The following MFN1 variants were observed in gnomAD, a reference collection of about 807,000 sequenced individuals.
MFN1 encodes mitofusin 1.
In MFN1, 65 loss-of-function variants were observed where a neutral mutation model predicts 92.4. The ratio of observed to expected loss-of-function variants is 0.70; its 90% CI spans 0.58 to 0.86. The LOEUF is 0.86. MFN1 is among the 40% of genes least tolerant of loss of function. The pLI, the probability that MFN1 is intolerant of heterozygous loss-of-function variation, is 0.00. For missense variants in MFN1, 781 were observed against 868.0 expected (o/e 0.90, Z 1.26); for synonymous variants, 297 against 300.9 (o/e 0.99, Z 0.13).
rs200837854 is a variant in MFN1, at chr3:179,377,356, A to G, written c.1237A>G (p.Met413Val). The change falls in exon 12 of 18, where the codon ATG (methionine) becomes GTG (valine). Residue 413 changes from methionine to valine, a missense_variant. Met to Val is a conservative substitution (Grantham distance 21). Coordinates refer to ENST00000471841, the MANE Select transcript of MFN1 (RefSeq NM_033540.3). ...TTCATATTTTCAGGTTTCATGTGCAATGACAGATGAAATTTGTCGACTGTC... is the reference window on the plus strand; with the variant it reads ...TTCATATTTTCAGGTTTCATGTGCAGTGACAGATGAAATTTGTCGACTGTC... Reference protein sequence around the residue: ...EEVANKVSCAMTDEICRLSVL... With the variant: ...EEVANKVSCAVTDEICRLSVL... 18 of 1,608,020 alleles carry G rather than the reference A, an allele frequency of 1.1e-5. No individual in the cohort carries two copies. Among genetic ancestry groups the G allele is most frequent in the Admixed American group, 8.4e-5 (5 of 59,662 alleles).
At chr3:179,372,092 TTA>T (rs1171176489) in intron 9 of MFN1, among the ~76,000 whole-genome samples, 1 of 147,282 alleles carries the variant, frequency 6.8e-6, no homozygotes, top group Admixed American at 6.9e-5. Context: ...TATATAAATA[TTA>T]TATATAATGT....
chr3:179,367,742 G>A, intron 8 of MFN1, 150 bp downstream of exon 8: 1 of 575,208 alleles, frequency 1.7e-6, no homozygotes, highest in Non-Finnish European at 2.7e-6. Flanking sequence ...GGCCAACATG[G>A]TGAAACCCCA....
At chr3:179,376,928 T>C in intron 10 of MFN1, 114 bp from the exon 11 acceptor site, 2 of 964,920 alleles carry the variant, frequency 2.1e-6, no homozygotes, top group Non-Finnish European at 2.9e-6. Flanking sequence ...TTACAAGTTT[T>C]TTTTTTCCTT....
chr3:179,378,582 T>C lies in MFN1; in HGVS notation c.1433-3T>C. 1.2e-6 allele frequency: 2 copies of C among 1,602,632 alleles called. No homozygotes were observed. Among genetic ancestry groups the C allele is most frequent in the Non-Finnish European group, 1.7e-6 (2 of 1,172,764 alleles). ...TTAAGTGTTGTAATTTTGTTCTTTC[T>C]AGAAAATTTGAAGCCATTACTTCCA... is the stretch of plus-strand genomic sequence containing the variant. On this transcript the variant is annotated splice_region_variant and splice_polypyrimidine_tract_variant and intron_variant, in intron 13 of 17. Coordinates refer to ENST00000471841, the MANE Select transcript of MFN1 (RefSeq NM_033540.3).
At chr3:179,375,586 TA>T (rs1285652189) in intron 10 of MFN1, among the ~76,000 whole-genome samples, 1 of 152,234 alleles carries the variant, frequency 6.6e-6, no homozygotes, top group Non-Finnish European at 1.5e-5. Flanking sequence ...TTGTGATTTT[TA>T]AAATGTTTTG....
chr3:179,381,420 T>A (rs541428518), intron 14 of MFN1, among the ~76,000 whole-genome samples: 1 of 152,346 alleles, frequency 6.6e-6, no homozygotes, highest in South Asian at 2.1e-4. Flanking sequence ...CATAACATTG[T>A]AGGTAGAGAC....
chr3:179,392,194 C>G lies in MFN1; in HGVS notation c.*135C>G. Reference sequence around the variant, plus strand: ...TAAATAGCAAAGCCCTGTGTAGATTCTGGTAATGATCTGTCTCAGGGTATG... The same window carrying G: ...TAAATAGCAAAGCCCTGTGTAGATTGTGGTAATGATCTGTCTCAGGGTATG... On this transcript the variant is annotated 3_prime_UTR_variant, in exon 18 of 18. Coordinates refer to ENST00000471841, the MANE Select transcript of MFN1 (RefSeq NM_033540.3). The G allele has an allele frequency of 1.7e-6, 1 of 587,404 alleles. No individual in the cohort carries two copies. The highest frequency in any genetic ancestry group is 3.0e-6 in the Non-Finnish European group (1 of 329,608). The allele number at this position is 587,404 out of a possible 1,614,324, so 36.4% of individuals were successfully genotyped here.
chr3:179,351,812 A>G, intron 2 of MFN1, 88 bp from the exon 3 acceptor site: 1 of 1,332,382 alleles, frequency 7.5e-7, no homozygotes, highest in Non-Finnish European at 1.0e-6. Flanking sequence ...AACATAAAGC[A>G]AAAATACATA....
chr3:179,378,566 G>A lies in MFN1; in HGVS notation c.1433-19G>A, dbSNP rs752308130. The A allele has an allele frequency of 1.3e-6, 2 of 1,583,428 alleles. No homozygotes were observed. The highest frequency in any genetic ancestry group is 1.7e-5 in the Admixed American group (1 of 58,080). On this transcript the variant is annotated intron_variant, in intron 13 of 17. Transcript: ENST00000471841. ...ATTTACCATTCTTATCTTAAGTGTT[G>A]TAATTTTGTTCTTTCTAGAAAATTT...
chr3:179,374,491 C>T (rs1043686878), intron 9 of MFN1, among the ~76,000 whole-genome samples: 10 of 150,414 alleles, frequency 6.6e-5, no homozygotes, highest in African/African-American at 1.5e-4. Flanking sequence ...TGCATTGTGA[C>T]GTATTTTTTA....
chr3:179,360,255 G>A (rs1037786693), intron 4 of MFN1, among the ~76,000 whole-genome samples: 4 of 151,916 alleles, frequency 2.6e-5, no homozygotes, highest in Admixed American at 6.6e-5. Context: ...CTGTTTAATC[G>A]TGTATCATTG....
intron 9 of MFN1, among the ~76,000 whole-genome samples, chr3:179,370,264 C>T (rs1438558051): frequency 6.6e-6 from 1 of 151,638 alleles, no homozygotes; most frequent in Admixed American, 6.6e-5. Flanking sequence ...AAATATATAT[C>T]TACATATACA....
At chr3:179,349,627 G>T (rs1419568252) in intron 2 of MFN1, among the ~76,000 whole-genome samples, 1 of 151,662 alleles carries the variant, frequency 6.6e-6, no homozygotes, top group Non-Finnish European at 1.5e-5. Context: ...TTCTGCCTCA[G>T]CCTCCCAAGT....
intron 17 of MFN1, 125 bp downstream of exon 17, chr3:179,390,263 C>A: frequency 1.2e-6 from 1 of 838,426 alleles, no homozygotes; most frequent in Non-Finnish European, 1.7e-6. Flanking sequence ...GAAAATCTTC[C>A]ATATTTAATT....
chr3:179,356,791 TTA>T (rs747616079), intron 3 of MFN1, among the ~76,000 whole-genome samples: 1 of 152,104 alleles, frequency 6.6e-6, no homozygotes, highest in Non-Finnish European at 1.5e-5. Context: ...CAGATGATTC[TTA>T]TATGGGGTGG....
intron 3 of MFN1, among the ~76,000 whole-genome samples, chr3:179,353,055 A>ATTT (rs11408958): frequency 3.6e-5 from 5 of 139,782 alleles, no homozygotes; most frequent in Non-Finnish European, 4.7e-5. Flanking sequence ...TCCAGCCTAA[A>ATTT]TTTTTTTTTT....
At chr3:179,350,927 G>T (rs1240876729) in intron 2 of MFN1, among the ~76,000 whole-genome samples, 2 of 152,076 alleles carry the variant, frequency 1.3e-5, no homozygotes, top group East Asian at 3.9e-4. Context: ...CACCATCTCG[G>T]CTCACTGCAA....
At position 179,368,254 on chromosome 3, in the gene MFN1, A is replaced by G. The variant is rs1712884081; in HGVS notation, c.975+151A>G. 5 of 395,102 alleles carry G rather than the reference A, an allele frequency of 1.3e-5. No homozygotes were observed. In the Admixed American group the frequency reaches 1.9e-4, roughly 15 times the overall value. The allele number at this position is 395,102 out of a possible 1,614,324, so 24.5% of individuals were successfully genotyped here. A position where few individuals can be genotyped will look rare whatever the true frequency, so the allele number is the denominator to read the frequency against. ...ACAGCCAGTAAAATGTGGAAAGTGA[A>G]GAAAAGGAGCCCCTGCAAAATGATT... On this transcript the variant is annotated intron_variant, in intron 9 of 17. Transcript: ENST00000471841.
chr3:179,365,274 A>G lies in MFN1; in HGVS notation c.753+49A>G, dbSNP rs201914991. ...TAGGTTTTGAAATACAGTCACATAC[A>G]TTGTTATTTGAGAAAACAATATTGC... is the stretch of plus-strand genomic sequence containing the variant. On this transcript the variant is annotated intron_variant, in intron 7 of 17. Coordinates refer to ENST00000471841, the MANE Select transcript of MFN1 (RefSeq NM_033540.3). The G allele has an allele frequency of 1.8e-5, 19 of 1,043,422 alleles. No individual in the cohort carries two copies. In the Admixed American group the frequency reaches 4.3e-4, roughly 24 times the overall value. 64.6% of individuals were successfully genotyped at this position (1,043,422 alleles called of 1,614,324 possible).
Sources: allele counts gnomAD v4.1 joint callset (sites outside exome capture counted in the v4.1 genomes callset), GRCh38; gene constraint gnomAD v4.1.1; transcripts MANE v1.5; gene names NCBI Gene and HGNC (gene_info 2026-07-23, HGNC 2026-07-21).